The following GREP1 variants were observed in gnomAD, a reference collection of about 807,000 sequenced individuals.
GREP1 encodes the protein glycine-rich extracellular protein 1.
exon 26 of GREP1, chr16:2,998,954 C>T (rs1224480962): frequency 1.0e-5 from 4 of 399,040 alleles, no homozygotes; most frequent in East Asian, 7.1e-5. Context: ...AGCCCCCTTC[C>T]GCAGTGCAGA....
intron 2 of GREP1, chr16:2,988,869 G>C (rs1283912552): frequency 5.1e-6 from 2 of 389,966 alleles, no homozygotes; most frequent in Non-Finnish European, 9.0e-6. Flanking sequence ...GCTGAGAAGG[G>C]TGGGCAGGTG....
intron 2 of GREP1, chr16:2,988,873 G>A (rs903166680): frequency 7.7e-6 from 3 of 389,426 alleles, no homozygotes; most frequent in African/African-American, 6.2e-5. Flanking sequence ...AGAAGGGTGG[G>A]CAGGTGTGAC....
At position 2,989,117 on chromosome 16, in the gene GREP1, T is replaced by C. The variant is rs1486236029; in HGVS notation, c.101-406T>C. 2 of 243,556 alleles carry C rather than the reference T, an allele frequency of 8.2e-6. No individual in the cohort carries two copies. The highest frequency in any genetic ancestry group is 1.8e-4 in the South Asian group (1 of 5,652). The allele number at this position is 243,556 out of a possible 1,614,324, so 15.1% of individuals were successfully genotyped here. A position where few individuals can be genotyped will look rare whatever the true frequency, so the allele number is the denominator to read the frequency against. ...AGGTGGTGAGAAGAAGAGGAGGAGATTTCCATGAAGGGAGAGGAGCCCAGT... is the reference window on the plus strand; with the variant it reads ...AGGTGGTGAGAAGAAGAGGAGGAGACTTCCATGAAGGGAGAGGAGCCCAGT... On this transcript the variant is annotated intron_variant, in intron 2 of 34. Transcript: ENST00000573315. The surrounding 1 kb of genome is among the most constrained non-coding windows in gnomAD (Gnocchi z 4.2).
At position 2,989,446 on chromosome 16, in the gene GREP1, G is replaced by A. The variant is rs1050364786; in HGVS notation, c.101-77G>A. 2 of 398,974 alleles carry A rather than the reference G, an allele frequency of 5.0e-6. No individual in the cohort carries two copies. The highest frequency in any genetic ancestry group is 4.1e-5 in the African/African-American group (2 of 48,628). The allele number at this position is 398,974 out of a possible 1,614,324, so 24.7% of individuals were successfully genotyped here. A position where few individuals can be genotyped will look rare whatever the true frequency, so the allele number is the denominator to read the frequency against. ...CTACAGATCTGGTAAAGCTGGTGGC[G>A]GGGTGCTTGGGGAGGGTGGCACACC... On this transcript the variant is annotated intron_variant, in intron 2 of 34. Coordinates refer to ENST00000573315, the Ensembl canonical transcript of GREP1. This position sits in a 1 kb window ranked among gnomAD's most constrained non-coding sequence, Gnocchi z 4.2.
chr16:2,995,142 C>A, intron 13 of GREP1, 142 bp from the exon 15 acceptor site: 1 of 397,792 alleles, frequency 2.5e-6, no homozygotes. Context: ...GCCCTCCCAC[C>A]CCGACAAGCC....
At chr16:3,001,903 C>T (rs570620682) in exon 35 of GREP1, 10 of 349,560 alleles carry the variant, frequency 2.9e-5, no homozygotes, top group African/African-American at 1.5e-4. Flanking sequence ...ACTTGGTGAC[C>T]GCCTAGCGGG....
rs1437603276 is a variant in GREP1, at chr16:2,996,887, CCT to C, written c.746-57_746-56del. 4.0e-5 allele frequency: 16 copies of C among 399,246 alleles called. 1 individual carries two copies. The highest frequency in any genetic ancestry group is 6.6e-5 in the Non-Finnish European group (15 of 226,396). The allele number at this position is 399,246 out of a possible 1,614,324, so 24.7% of individuals were successfully genotyped here. A position where few individuals can be genotyped will look rare whatever the true frequency, so the allele number is the denominator to read the frequency against. On this transcript the variant is annotated intron_variant, in intron 20 of 34. Coordinates refer to ENST00000573315, the Ensembl canonical transcript of GREP1. ...GAGACTGAGAGCCCCCTTCCTGGCC[CCT>C]GCCTCCCTGTCCCCCAGTGGCTCAG... is the stretch of plus-strand genomic sequence containing the variant.
chr16:2,996,596 C>T (rs1596462544), intron 19 of GREP1, 65 bp downstream of exon 18: 3 of 399,168 alleles, frequency 7.5e-6, no homozygotes, highest in Admixed American at 8.8e-5. Flanking sequence ...GAAGCTGAGG[C>T]CACAGGGACA....
chr16:3,001,045 G>A (rs912140433), intron 33 of GREP1, among the ~76,000 whole-genome samples: 1 of 152,172 alleles, frequency 6.6e-6, no homozygotes, highest in African/African-American at 2.4e-5. Flanking sequence ...GGGACCCTGA[G>A]AGCCAGCCCA....
chr16:2,996,425 T>C, intron 18 of GREP1, 71 bp from the exon 18 acceptor site: 1 of 398,610 alleles, frequency 2.5e-6, no homozygotes, highest in East Asian at 3.6e-5. Flanking sequence ...CCGCCCTGTC[T>C]CTAGGGCTGC....
chr16:2,996,389 AGGCCCCCTCCCAGGGCCCTG>A (rs1304945695), intron 18 of GREP1, 87 bp from the exon 18 acceptor site: 2 of 397,144 alleles, frequency 5.0e-6, no homozygotes, highest in African/African-American at 2.1e-5. Flanking sequence ...AGGGGGAGCC[AGGCCCCCTCCCAGGGCCCTG>A]GGCCCCCGCC....
At chr16:3,000,143 CAT>C in intron 29 of GREP1, 25 bp downstream of exon 26, 1 of 399,150 alleles carries the variant, frequency 2.5e-6, no homozygotes, top group Non-Finnish European at 4.4e-6. Flanking sequence ...GCCCCCGACC[CAT>C]GTTGAGCGGA....
At chr16:3,001,804 G>T (rs1276317453) in exon 35 of GREP1, 1 of 395,690 alleles carries the variant, frequency 2.5e-6, no homozygotes, top group Non-Finnish European at 4.4e-6. Context: ...AAACATCAAT[G>T]AGGCCATGTG....
At chr16:3,001,704 C>T in exon 35 of GREP1, 1 of 398,806 alleles carries the variant, frequency 2.5e-6, no homozygotes, top group Non-Finnish European at 4.4e-6. Context: ...TCCCTGCTTG[C>T]CTCCGCGTGC....
At position 2,989,858 on chromosome 16, in the gene GREP1, A is replaced by C. The variant is rs12930630; in HGVS notation, c.131-116A>C. The C allele has an allele frequency of 0.67, 267,400 of 398,164 alleles. 91,187 individuals carry two copies. Among genetic ancestry groups the C allele is most frequent in the African/African-American group, 0.86 (41,867 of 48,622 alleles). 24.7% of individuals were successfully genotyped at this position (398,164 alleles called of 1,614,324 possible). ...CACCTGTGCCCCACAGCCCTCCCCC[A>C]TCATGGGAAGGGACTGAGTTCCCAC... is the stretch of plus-strand genomic sequence containing the variant. On this transcript the variant is annotated intron_variant, in intron 3 of 34. Transcript: ENST00000573315. The surrounding 1 kb of genome is among the most constrained non-coding windows in gnomAD (Gnocchi z 4.2).
rs369675388 is a variant in GREP1, at chr16:2,998,670, A to G, written c.1012+147A>G. 15 of 397,604 alleles carry G rather than the reference A, an allele frequency of 3.8e-5. No individual in the cohort carries two copies. The East Asian group carries it at 3.9e-4, about 10-fold the overall frequency. The allele number at this position is 397,604 out of a possible 1,614,324, so 24.6% of individuals were successfully genotyped here. A position where few individuals can be genotyped will look rare whatever the true frequency, so the allele number is the denominator to read the frequency against. On this transcript the variant is annotated intron_variant, in intron 25 of 34. Coordinates refer to ENST00000573315, the Ensembl canonical transcript of GREP1. Reference sequence around the variant, plus strand: ...GCCTGGATCCCCAGGTCCCCCCAGGAGAGTGTGGACCAAGGGAGCTGGGCT... The same window carrying G: ...GCCTGGATCCCCAGGTCCCCCCAGGGGAGTGTGGACCAAGGGAGCTGGGCT...
chr16:2,989,365 C>T lies in GREP1; in HGVS notation c.101-158C>T. 2.5e-6 allele frequency: 1 copy of T among 397,886 alleles called. No individual in the cohort carries two copies. The highest frequency in any genetic ancestry group is 4.4e-6 in the Non-Finnish European group (1 of 225,830). The allele number at this position is 397,886 out of a possible 1,614,324, so 24.6% of individuals were successfully genotyped here. A position where few individuals can be genotyped will look rare whatever the true frequency, so the allele number is the denominator to read the frequency against. On this transcript the variant is annotated intron_variant, in intron 2 of 34. Transcript: ENST00000573315. This position sits in a 1 kb window ranked among gnomAD's most constrained non-coding sequence, Gnocchi z 4.2. ...CATCCAGATTTGGGCCCCTTTGTCC[C>T]CTTGTAAGTTCCCCTGCTTCCCCCT...
At chr16:2,996,506 T>A in exon 19 of GREP1, 1 of 395,402 alleles carries the variant, frequency 2.5e-6, no homozygotes, top group Non-Finnish European at 4.5e-6. Context: ...AATATGGCCA[T>A]GGAAATGGAC....
chr16:2,998,758 G>A (rs754037705), intron 25 of GREP1, 90 bp from the exon 24 acceptor site: 11 of 398,700 alleles, frequency 2.8e-5, no homozygotes, highest in South Asian at 1.3e-4. Context: ...ACTACAGGCC[G>A]GTGGCTTGGC....
Sources: allele counts gnomAD v4.1 joint callset (sites outside exome capture counted in the v4.1 genomes callset), GRCh38; gene constraint gnomAD v4.1.1; non-coding constraint Gnocchi (gnomAD v3.1); transcripts MANE v1.5; gene names NCBI Gene and HGNC (gene_info 2026-07-23, HGNC 2026-07-21).